The following COQ8A variants were observed in gnomAD, a reference collection of about 807,000 sequenced individuals.
COQ8A encodes the protein coenzyme Q8A, also known as atypical kinase COQ8A, mitochondrial.
COQ8A carries 51 observed loss-of-function variants against 65.0 expected under a neutral mutation model. That is an observed-to-expected ratio of 0.78 (90% CI 0.63 to 0.99). The LOEUF is 0.99. Ranked by LOEUF, COQ8A falls within the 50% of genes least tolerant of loss-of-function variation. The pLI is 0.00. For missense variants in COQ8A, 940 were observed against 875.0 expected, an observed-to-expected ratio of 1.07 and a Z score of -0.94; for synonymous variants, 371 against 353.2, an observed-to-expected ratio of 1.05 and a Z score of -0.57.
chr1:226,973,500 T>G (rs1659018833), intron 4 of COQ8A, among the ~76,000 whole-genome samples: 1 of 152,166 alleles, frequency 6.6e-6, no homozygotes, highest in Non-Finnish European at 1.5e-5. Context: ...GCTCTGTAAT[T>G]AGGCCCCAGA....
In COQ8A at chr1:226,983,865, C is replaced by T. The variant is rs564593360; in HGVS notation, c.1256+11C>T. The T allele has an allele frequency of 5.8e-5, 92 of 1,598,236 alleles. No homozygotes were observed. The highest frequency in any genetic ancestry group is 2.2e-4 in the Middle Eastern group (1 of 4,526). ...TGCCCGCAAGTTCAGGTGTGGCCCC[C>T]GGCCGGGCCCCTTGCGTGTTTGCAC... On this transcript the variant is annotated intron_variant, in intron 10 of 14. Coordinates refer to ENST00000366777, the MANE Select transcript of COQ8A (RefSeq NM_020247.5).
chr1:226,968,306 G>C (rs1184139913), intron 4 of COQ8A, among the ~76,000 whole-genome samples: 1 of 152,206 alleles, frequency 6.6e-6, no homozygotes, highest in Non-Finnish European at 1.5e-5. Flanking sequence ...CTGCACTCCA[G>C]TGGGGGCGAC....
At chr1:226,978,576 TTACACACTCTCCACACACTC>T (rs1162556908) in intron 5 of COQ8A, among the ~76,000 whole-genome samples, 4 of 68,056 alleles carry the variant, frequency 5.9e-5, no homozygotes, top group East Asian at 6.4e-4. Context: ...ACACACCACC[TTACACACTCTCCACACACTC>T]TACCCTCTAC....
Position 226,961,451 on chromosome 1 carries a change from C to A in COQ8A, c.66C>A (p.Ala22=). ...GCCTTGTCAAGCTGACCCAGGCGGC[C>A]GTGGAAACCCACCTGCAGCACTTGG... The part of the protein sequence containing the change: ...AKGLVKLTQA[A]VETHLQHLGI... The change falls in exon 2 of 15, where the codon GCC becomes GCA. Residue 22 remains alanine (A), a synonymous_variant. Transcript: ENST00000366777. The A allele has an allele frequency of 6.2e-7, 1 of 1,613,816 alleles. No individual in the cohort carries two copies. Among genetic ancestry groups the A allele is most frequent in the Non-Finnish European group, 8.5e-7 (1 of 1,180,034 alleles).
rs114528190 is a variant in COQ8A, at chr1:226,972,230, A to G, written c.656-5219A>G. Among the ~76,000 whole-genome samples the G allele has an allele frequency of 1.3e-5, 2 of 152,140 alleles. No homozygotes were observed. Among genetic ancestry groups the G allele is most frequent in the African/African-American group, 4.8e-5 (2 of 41,420 alleles). On this transcript the variant is annotated intron_variant, in intron 4 of 14. Coordinates refer to ENST00000366777, the MANE Select transcript of COQ8A (RefSeq NM_020247.5). The surrounding 1 kb of genome is among the most constrained non-coding windows in gnomAD (Gnocchi z 4.3). ...TGGTTCCTGGGGCCTTCACACAGGA[A>G]CTTACAATCCACATCATTAAGGCAG...
intron 5 of COQ8A, among the ~76,000 whole-genome samples, chr1:226,978,972 A>G (rs1367232683): frequency 6.6e-6 from 1 of 151,564 alleles, no homozygotes; most frequent in Non-Finnish European, 1.5e-5. Flanking sequence ...ACACCCGCAC[A>G]CCTCCTTGTA....
chr1:226,983,988 C>A, intron 10 of COQ8A, 106 bp from the exon 11 acceptor site: 2 of 1,566,552 alleles, frequency 1.3e-6, no homozygotes, highest in South Asian at 1.1e-5. Context: ...AGGCCATATC[C>A]TGCCTGGGGT....
At chr1:226,973,165 C>T (rs1272591152) in intron 4 of COQ8A, among the ~76,000 whole-genome samples, 3 of 152,254 alleles carry the variant, frequency 2.0e-5, no homozygotes, top group Admixed American at 6.5e-5. Flanking sequence ...TGAGGGCACA[C>T]GCCATGCTTC....
chr1:226,959,761 C>T (rs767959297), intron 1 of COQ8A, among the ~76,000 whole-genome samples: 7 of 152,224 alleles, frequency 4.6e-5, no homozygotes, highest in South Asian at 4.1e-4. Context: ...CTGGCTCTGG[C>T]GCCACTGTCT....
intron 8 of COQ8A, 118 bp downstream of exon 8, chr1:226,983,152 G>A: frequency 7.1e-7 from 1 of 1,405,754 alleles, no homozygotes; most frequent in Non-Finnish European, 9.5e-7. Flanking sequence ...CTCCTGGCAG[G>A]GCCATATGTG....
rs145803341 is a variant in COQ8A, at chr1:226,981,570, C to T, written c.731-457C>T. On this transcript the variant is annotated intron_variant, in intron 5 of 14. Coordinates refer to ENST00000366777, the MANE Select transcript of COQ8A (RefSeq NM_020247.5). ...CTTGGCCCCATGTGCAAATGCATGCCGACCCCACAGGTGCAGCGGGCCTTT... is the reference window on the plus strand; with the variant it reads ...CTTGGCCCCATGTGCAAATGCATGCTGACCCCACAGGTGCAGCGGGCCTTT... 4.1e-3 allele frequency among the ~76,000 whole-genome samples: 619 copies of T among 152,310 alleles called. 1 individual carries two copies. Among genetic ancestry groups the T allele is most frequent in the Middle Eastern group, 6.8e-3 (2 of 294 alleles).
At chr1:226,943,882 A>G (rs1181795028) in intron 1 of COQ8A, among the ~76,000 whole-genome samples, 2 of 151,492 alleles carry the variant, frequency 1.3e-5, no homozygotes, top group African/African-American at 4.9e-5. Flanking sequence ...GTGATGCGGT[A>G]TGTGTGTGTG....
chr1:226,955,203 G>A (rs962948137), intron 1 of COQ8A, among the ~76,000 whole-genome samples: 1 of 152,056 alleles, frequency 6.6e-6, no homozygotes, highest in African/African-American at 2.4e-5. Flanking sequence ...AGGATGAGGT[G>A]TGGGTGGTAA....
intron 5 of COQ8A, among the ~76,000 whole-genome samples, chr1:226,978,553 A>AC (rs1326316150): frequency 1.4e-5 from 1 of 70,474 alleles, no homozygotes; most frequent in Non-Finnish European, 4.1e-5. Context: ...CCCTCCACAC[A>AC]CCCCCCACAG....
In COQ8A at chr1:226,983,581, T is replaced by A. The variant is rs1179877249; in HGVS notation, c.1110T>A (p.Ser370Arg). The A allele has an allele frequency of 2.5e-6, 4 of 1,613,800 alleles. No homozygotes were observed. The highest frequency in any genetic ancestry group is 3.4e-6 in the Non-Finnish European group (4 of 1,180,016). The change falls in exon 9 of 15, where the codon AGT (serine) becomes AGA (arginine). Residue 370 changes from serine (S) to arginine (R), a missense_variant. Coordinates refer to ENST00000366777, the MANE Select transcript of COQ8A (RefSeq NM_020247.5). ...CTGGCGTGGCCCAGAGCATCAACAGTGATGTCAACAACCTCATGGCCGTGT... is the reference window on the plus strand; with the variant it reads ...CTGGCGTGGCCCAGAGCATCAACAGAGATGTCAACAACCTCATGGCCGTGT... ...QYPGVAQSIN[S>R]DVNNLMAVLN...
chr1:226,981,898 A>G, intron 5 of COQ8A, 129 bp from the exon 6 acceptor site: 3 of 1,389,088 alleles, frequency 2.2e-6, no homozygotes, highest in Non-Finnish European at 3.0e-6. Context: ...GTAGTTAGTT[A>G]TGTTGCTGGT....
rs1435997977 is a variant in COQ8A, at chr1:226,946,110, A to AG, written c.-10+5713dup. ...TAATGCTAATAAACTCGTGTGTATG[A>AG]GGACAGTGCCAGACCCCGTTGGGGG... On this transcript the variant is annotated intron_variant, in intron 1 of 14. Coordinates refer to ENST00000366777, the MANE Select transcript of COQ8A (RefSeq NM_020247.5). This position sits in a 1 kb window ranked among gnomAD's most constrained non-coding sequence, Gnocchi z 5.3. Among the ~76,000 whole-genome samples the AG allele has an allele frequency of 6.6e-6, 1 of 152,170 alleles. No homozygotes were observed. Among genetic ancestry groups the AG allele is most frequent in the Non-Finnish European group, 1.5e-5 (1 of 68,020 alleles).
rs556922604 is a variant in COQ8A, at chr1:226,963,320, G to A, written c.178-1680G>A. 5.6e-4 allele frequency among the ~76,000 whole-genome samples: 86 copies of A among 152,326 alleles called. 1 individual carries two copies. Among genetic ancestry groups the A allele is most frequent in the Non-Finnish European group, 8.8e-4 (60 of 68,018 alleles). On this transcript the variant is annotated intron_variant, in intron 2 of 14. Transcript: ENST00000366777. ...TTCGCTTTTCCGTGTCTCCCTTCTC[G>A]CGAGGGGAGGAAGGTCACGGACTCC...
chr1:226,985,421 G>A (rs1558210374), intron 14 of COQ8A, 81 bp downstream of exon 14: 1 of 1,540,920 alleles, frequency 6.5e-7, no homozygotes, highest in Non-Finnish European at 8.9e-7. Context: ...AAAGCACAGG[G>A]GGCAGCTGCC....
Sources: gnomAD v4.1 joint callset for allele counts (sites outside exome capture counted in the v4.1 genomes callset) on GRCh38, gnomAD v4.1.1 for gene constraint, Gnocchi (gnomAD v3.1) non-coding constraint, MANE v1.5 for transcripts, NCBI Gene and HGNC (gene_info 2026-07-23, HGNC 2026-07-21) for gene names.